The following SS18L1 variants were observed in gnomAD, a reference collection of about 807,000 sequenced individuals.
SS18L1 encodes the protein calcium-responsive transactivator.
Under a neutral mutation model 70.3 loss-of-function variants are expected in SS18L1, and 32 were observed. That is an observed-to-expected ratio of 0.46 (90% CI 0.34 to 0.61). The LOEUF (loss-of-function observed/expected upper bound fraction) is 0.61, where lower values mean the gene tolerates loss of function less well. Among genes scored for constraint, SS18L1 ranks in the 20% least tolerant of loss-of-function variants. SS18L1 has a pLI of 0.01. For missense variants in SS18L1, 430 were observed against 542.1 expected, an observed-to-expected ratio of 0.79 and a Z score of 2.05; for synonymous variants, 237 against 229.7, an observed-to-expected ratio of 1.03 and a Z score of -0.29.
chr20:62,181,293 T>G lies in SS18L1; in HGVS notation c.*2085T>G. On this transcript the variant is annotated 3_prime_UTR_variant, in exon 11 of 11. Coordinates refer to ENST00000331758, the MANE Select transcript of SS18L1 (RefSeq NM_198935.3). ...CTTAATTGCTAATTGACAAACGCGT[T>G]AGCAATTTCAGTTAGGGAGTCATCT... is the stretch of plus-strand genomic sequence containing the variant. The G allele has an allele frequency of 4.8e-6, 1 of 206,652 alleles. No individual in the cohort carries two copies. The highest frequency in any genetic ancestry group is 9.9e-6 in the Non-Finnish European group (1 of 101,032). The allele number at this position is 206,652 out of a possible 1,614,324, so 12.8% of individuals were successfully genotyped here. A position where few individuals can be genotyped will look rare whatever the true frequency, so the allele number is the denominator to read the frequency against.
At chr20:62,165,589 G>A in intron 8 of SS18L1, 75 bp downstream of exon 8, 4 of 1,403,616 alleles carry the variant, frequency 2.8e-6, no homozygotes, top group East Asian at 2.5e-5. Flanking sequence ...GCACCCTTAG[G>A]AGCACGCGGT....
At position 62,159,330 on chromosome 20, in the gene SS18L1, A is replaced by T. The variant is rs973365719; in HGVS notation, c.147-547A>T. Among the ~76,000 whole-genome samples, 2 of 152,140 alleles carry T rather than the reference A, an allele frequency of 1.3e-5. No individual in the cohort carries two copies. Among genetic ancestry groups the T allele is most frequent in the Non-Finnish European group, 2.9e-5 (2 of 68,012 alleles). ...CCAAGTGGCCGTCAGACTGACCTGG[A>T]GGTGGGAAGTGCGTGAATGGCCTCA... On this transcript the variant is annotated intron_variant, in intron 2 of 10. Transcript: ENST00000331758. The surrounding 1 kb of genome is among the most constrained non-coding windows in gnomAD (Gnocchi z 4.4).
chr20:62,178,016 C>CTTTTTT, intron 10 of SS18L1, among the ~76,000 whole-genome samples: 1 of 101,370 alleles, frequency 9.9e-6, no homozygotes, highest in South Asian at 3.4e-4. Context: ...TGTGCCTGGC[C>CTTTTTT]TTTTTTTTTT....
At chr20:62,164,018 A>G in intron 6 of SS18L1, 127 bp from the exon 7 acceptor site, 1 of 740,058 alleles carries the variant, frequency 1.4e-6, no homozygotes, top group Non-Finnish European at 2.2e-6. Flanking sequence ...ATACGATGAC[A>G]GCGTGGGGTG....
rs1202578566 is a variant in SS18L1 at position 62,162,864 on chromosome 20, C to G, written c.489C>G (p.Pro163=). 6.2e-7 allele frequency: 1 copy of G among 1,612,816 alleles called. No homozygotes were observed. Among genetic ancestry groups the G allele is most frequent in the Non-Finnish European group, 8.5e-7 (1 of 1,179,972 alleles). ...CGGGACCCGCCTCGCAGGGCGTCCC[C>G]ATGCAGGGGCAAGGCACCATCGGCA... is the stretch of plus-strand genomic sequence containing the variant. ...SHAGPASQGV[P]MQGQGTIGNY... Residue 163 remains proline (P), a synonymous_variant, in exon 5 of 11, where the codon CCC becomes CCG. Coordinates refer to ENST00000331758, the MANE Select transcript of SS18L1 (RefSeq NM_198935.3).
chr20:62,164,033 C>T lies in SS18L1; in HGVS notation c.722-112C>T, dbSNP rs557164702. 2.4e-5 allele frequency: 21 copies of T among 871,828 alleles called. 1 individual carries two copies. Among genetic ancestry groups the T allele is most frequent in the Middle Eastern group, 4.7e-4 (2 of 4,292 alleles). The allele number at this position is 871,828 out of a possible 1,614,324, so 54.0% of individuals were successfully genotyped here. On this transcript the variant is annotated intron_variant, in intron 6 of 10. Coordinates refer to ENST00000331758, the MANE Select transcript of SS18L1 (RefSeq NM_198935.3). The stretch of plus-strand genomic sequence containing the variant: ...ATACGATGACAGCGTGGGGTGTTCT[C>T]CTCGGGTGGGTGAGGCCATTCAGCA...
chr20:62,168,487 A>G (rs1244116778), intron 8 of SS18L1, among the ~76,000 whole-genome samples: 1 of 152,106 alleles, frequency 6.6e-6, no homozygotes, highest in East Asian at 1.9e-4. Flanking sequence ...AAGGCACCAT[A>G]AAGAACTTTC....
At position 62,182,456 on chromosome 20, in the gene SS18L1, T is replaced by G. The variant is rs2057729337; in HGVS notation, c.*3248T>G. The G allele has an allele frequency of 5.2e-6, 1 of 190,652 alleles. No individual in the cohort carries two copies. Among genetic ancestry groups the G allele is most frequent in the Non-Finnish European group, 1.1e-5 (1 of 90,742 alleles). 11.8% of individuals were successfully genotyped at this position (190,652 alleles called of 1,614,324 possible). On this transcript the variant is annotated 3_prime_UTR_variant, in exon 11 of 11. Coordinates refer to ENST00000331758, the MANE Select transcript of SS18L1 (RefSeq NM_198935.3). Reference sequence around the variant, plus strand: ...TAAATTGTTTATGCTTTTGGTGTAATCTCTTAATAAACTGGTTCTTCAAAA... The same window carrying G: ...TAAATTGTTTATGCTTTTGGTGTAAGCTCTTAATAAACTGGTTCTTCAAAA...
intron 9 of SS18L1, among the ~76,000 whole-genome samples, chr20:62,173,522 C>T (rs2057568312): frequency 6.6e-6 from 1 of 150,638 alleles, no homozygotes; most frequent in South Asian, 2.1e-4. Flanking sequence ...CCAGCCTGAC[C>T]AATATGGTGA....
rs1047670416 is a variant in SS18L1, at chr20:62,156,404, G to A, written c.70-2268G>A. ...AGCCTGGCCCACAGTGTCCCCTGGC[G>A]GCCCCCCACCCCCATCTCAGGATGG... On this transcript the variant is annotated intron_variant, in intron 1 of 10. Transcript: ENST00000331758. Among the ~76,000 whole-genome samples, 10 of 152,128 alleles carry A rather than the reference G, an allele frequency of 6.6e-5. No individual in the cohort carries two copies. In the East Asian group the frequency reaches 7.7e-4, roughly 12 times the overall value.
intron 8 of SS18L1, among the ~76,000 whole-genome samples, chr20:62,169,356 G>T (rs1406066717): frequency 1.3e-5 from 2 of 152,232 alleles, no homozygotes; most frequent in Non-Finnish European, 2.9e-5. Context: ...GTAGGAGATG[G>T]GGTTAGGGCT....
Position 62,161,385 on chromosome 20 carries a change from C to T in SS18L1, c.232-51C>T. 6 of 1,611,986 alleles carry T rather than the reference C, an allele frequency of 3.7e-6. No individual in the cohort carries two copies. The highest frequency in any genetic ancestry group is 1.3e-5 in the African/African-American group (1 of 74,922). On this transcript the variant is annotated intron_variant, in intron 3 of 10. Transcript: ENST00000331758. The surrounding 1 kb of genome is among the most constrained non-coding windows in gnomAD (Gnocchi z 4.4). ...CATCCCTGGCCTGGCTTGTGGAGGT[C>T]GCTCTCCGTAAATTAACCGTTTTTC... is the stretch of plus-strand genomic sequence containing the variant.
intron 8 of SS18L1, among the ~76,000 whole-genome samples, chr20:62,167,972 G>C (rs1383419405): frequency 6.8e-6 from 1 of 146,242 alleles, no homozygotes; most frequent in Admixed American, 6.7e-5. Context: ...TGCACCACCA[G>C]GCCTGGCTTT....
chr20:62,149,778 C>T (rs780451773), intron 1 of SS18L1, among the ~76,000 whole-genome samples: 4 of 152,180 alleles, frequency 2.6e-5, no homozygotes, highest in Non-Finnish European at 4.4e-5. Flanking sequence ...CCGTGGTATT[C>T]GGAAAGGGAG....
intron 8 of SS18L1, among the ~76,000 whole-genome samples, chr20:62,167,042 GTTTT>G (rs1216570693): frequency 2.3e-5 from 2 of 88,166 alleles, no homozygotes; most frequent in African/African-American, 1.1e-4. Flanking sequence ...GAGTTTGTTT[GTTTT>G]TTTTTTTTTT....
In SS18L1 at chr20:62,158,286, T is replaced by G. The variant is rs766766607; in HGVS notation, c.70-386T>G. Among the ~76,000 whole-genome samples the G allele has an allele frequency of 6.6e-6, 1 of 151,844 alleles. No individual in the cohort carries two copies. On this transcript the variant is annotated intron_variant, in intron 1 of 10. Coordinates refer to ENST00000331758, the MANE Select transcript of SS18L1 (RefSeq NM_198935.3). The surrounding 1 kb of genome is among the most constrained non-coding windows in gnomAD (Gnocchi z 4.5). The stretch of plus-strand genomic sequence containing the variant: ...CTTAGATGGCCCTGCCGCTTACGGA[T>G]GAAGTCCCCAGCACAGGGAGGTGTG...
chr20:62,166,276 C>T (rs565466415), intron 8 of SS18L1, among the ~76,000 whole-genome samples: 1 of 152,356 alleles, frequency 6.6e-6, no homozygotes, highest in East Asian at 1.9e-4. Context: ...AGAGGGGCCT[C>T]GTGTCTGCTG....
chr20:62,172,348 T>C (rs58005738), intron 8 of SS18L1, among the ~76,000 whole-genome samples: 6,993 of 151,350 alleles, frequency 0.046, 247 homozygotes, highest in African/African-American at 0.089. Context: ...AAAAAAATTA[T>C]ATCTGCAAAG....
chr20:62,171,971 G>T (rs1377639333), intron 8 of SS18L1, among the ~76,000 whole-genome samples: 1 of 152,146 alleles, frequency 6.6e-6, no homozygotes, highest in Non-Finnish European at 1.5e-5. Context: ...GACCATCCTG[G>T]CTAACATGGT....
Sources: gnomAD v4.1 joint callset for allele counts (sites outside exome capture counted in the v4.1 genomes callset) on GRCh38, gnomAD v4.1.1 for gene constraint, Gnocchi (gnomAD v3.1) non-coding constraint, MANE v1.5 for transcripts, NCBI Gene and HGNC (gene_info 2026-07-23, HGNC 2026-07-21) for gene names.